The following SERPINB12 variants were observed in gnomAD, a reference collection of about 807,000 sequenced individuals.
SERPINB12 encodes serpin B12.
A neutral mutation model predicts 41.1 loss-of-function variants in SERPINB12; 57 were observed. The ratio of observed to expected loss-of-function variants is 1.39; its 90% CI spans 1.12 to 1.73. SERPINB12 has a LOEUF of 1.73. Among genes scored for constraint, SERPINB12 ranks in the 40% most tolerant of loss-of-function variants. The pLI is 0.00. For missense variants in SERPINB12, 536 were observed against 501.9 expected, an observed-to-expected ratio of 1.07 and a Z score of -0.65; for synonymous variants, 180 against 181.3, an observed-to-expected ratio of 0.99 and a Z score of 0.06.
At chr18:63,527,595 G>A in the SERPINB12 span, among the ~76,000 whole-genome samples, 1 of 152,100 alleles carries the variant, frequency 6.6e-6, no homozygotes, top group African/African-American at 2.4e-5. Flanking sequence ...TATACTGGGA[G>A]CTTCTATCTG....
At chr18:63,563,146 A>C (rs1323729494) in intron 5 of SERPINB12, among the ~76,000 whole-genome samples, 3 of 152,236 alleles carry the variant, frequency 2.0e-5, no homozygotes, top group Non-Finnish European at 4.4e-5. Context: ...GGGATGGATC[A>C]ATTAATTGAT....
At chr18:63,548,306 T>C in intron 1 of SERPINB12, among the ~76,000 whole-genome samples, 1 of 152,180 alleles carries the variant, frequency 6.6e-6, no homozygotes, top group Admixed American at 6.5e-5. Flanking sequence ...ACATTTCAGA[T>C]AGTCAGTATT....
chr18:63,552,393 C>A (rs566382465), intron 1 of SERPINB12, among the ~76,000 whole-genome samples: 2 of 152,102 alleles, frequency 1.3e-5, no homozygotes, highest in South Asian at 2.1e-4. Context: ...TTAATTGCAA[C>A]AACATAACAT....
At chr18:63,550,143 C>T (rs963998100) in intron 1 of SERPINB12, among the ~76,000 whole-genome samples, 7 of 152,052 alleles carry the variant, frequency 4.6e-5, no homozygotes, top group Non-Finnish European at 8.8e-5. Context: ...TTTTGGGAGA[C>T]CTTACTATTT....
At chr18:63,559,093 C>A (rs1420931698) in intron 3 of SERPINB12, among the ~76,000 whole-genome samples, 1 of 123,420 alleles carries the variant, frequency 8.1e-6, no homozygotes, top group African/African-American at 2.9e-5. Flanking sequence ...TTCTCTCTTT[C>A]TCTCTTTCTT....
intron 1 of SERPINB12, among the ~76,000 whole-genome samples, chr18:63,554,306 C>G (rs911024007): frequency 1.4e-4 from 21 of 152,198 alleles, no homozygotes; most frequent in Admixed American, 2.6e-4. Flanking sequence ...ATGATCATAT[C>G]TACCTTGCAG....
chr18:63,545,320 T>C (rs1481406711), intron 1 of SERPINB12, among the ~76,000 whole-genome samples: 1 of 152,124 alleles, frequency 6.6e-6, no homozygotes, highest in African/African-American at 2.4e-5. Context: ...TCACGGGTAC[T>C]AGAGAGGCTC....
upstream of SERPINB12, among the ~76,000 whole-genome samples, chr18:63,541,733 G>A (rs1910276593): frequency 6.6e-6 from 1 of 152,042 alleles, no homozygotes; most frequent in Non-Finnish European, 1.5e-5. Context: ...TGGGGATGGA[G>A]GAGATGAGGA....
chr18:63,565,675 G>A, intron 7 of SERPINB12, 63 bp downstream of exon 7: 2 of 1,404,060 alleles, frequency 1.4e-6, no homozygotes, highest in Non-Finnish European at 1.9e-6. Context: ...GAACAACACT[G>A]TCTACTATCT....
rs1258312145 is a variant in SERPINB12, at chr18:63,566,828, C to T, written c.1095C>T (p.Ile365=). ...PSPNLYLSKI[I]HKTFVEVDEN... is the part of the protein sequence containing the mutation. ...CCAATTTGTACTTGTCAAAAATTAT[C>T]CACAAAACCTTTGTGGAGGTGGATG... Residue 365 remains isoleucine (I), a synonymous_variant, in exon 8 of 8, where the codon ATC becomes ATT. Transcript: ENST00000382768. 2 of 1,614,114 alleles carry T rather than the reference C, an allele frequency of 1.2e-6. No individual in the cohort carries two copies. Among genetic ancestry groups the T allele is most frequent in the African/African-American group, 1.3e-5 (1 of 75,028 alleles).
At chr18:63,558,997 TC>T (rs1458398867) in intron 3 of SERPINB12, among the ~76,000 whole-genome samples, 32 of 118,652 alleles carry the variant, frequency 2.7e-4, no homozygotes, top group African/African-American at 1.0e-3. Context: ...TTTCTTTCTT[TC>T]CTTCCTTCTT....
chr18:63,535,771 A>G, the SERPINB12 span, among the ~76,000 whole-genome samples: 1 of 152,170 alleles, frequency 6.6e-6, no homozygotes, highest in African/African-American at 2.4e-5. Flanking sequence ...AATGAATGAC[A>G]AAATATTTAG....
At chr18:63,556,369 G>A (rs759728632) in intron 2 of SERPINB12, 42 bp downstream of exon 2, 8 of 1,565,368 alleles carry the variant, frequency 5.1e-6, no homozygotes, top group African/African-American at 4.1e-5. Context: ...CTAAACTCTG[G>A]GTCCACACTC....
chr18:63,530,992 T>C, the SERPINB12 span, among the ~76,000 whole-genome samples: 1 of 152,182 alleles, frequency 6.6e-6, no homozygotes. Context: ...CTCAAGTGTA[T>C]GCTGCATGGC....
chr18:63,521,285 C>T, the SERPINB12 span, among the ~76,000 whole-genome samples: 3 of 152,168 alleles, frequency 2.0e-5, no homozygotes, highest in African/African-American at 7.2e-5. Context: ...TTCACATTTC[C>T]CCCTTTTGAT....
intron 1 of SERPINB12, among the ~76,000 whole-genome samples, chr18:63,548,733 G>C (rs1185690245): frequency 6.6e-6 from 1 of 151,854 alleles, no homozygotes; most frequent in Non-Finnish European, 1.5e-5. Flanking sequence ...ATGTTAGCAA[G>C]TATCAATGCC....
At chr18:63,558,529 A>G in intron 3 of SERPINB12, 43 bp downstream of exon 3, 1 of 1,569,904 alleles carries the variant, frequency 6.4e-7, no homozygotes, top group Non-Finnish European at 8.6e-7. Context: ...CTTTTTTACA[A>G]ACTGCTTATT....
At chr18:63,540,059 C>A (rs530106447), upstream of SERPINB12, among the ~76,000 whole-genome samples, 5 of 152,154 alleles carry the variant, frequency 3.3e-5, no homozygotes, top group South Asian at 1.0e-3. Flanking sequence ...GTGGTTACAC[C>A]CTGTTTCCAC....
intron 1 of SERPINB12, among the ~76,000 whole-genome samples, chr18:63,545,729 G>A (rs551504856): frequency 6.6e-6 from 1 of 152,226 alleles, no homozygotes; most frequent in Admixed American, 6.5e-5. Context: ...TTCTGAATAT[G>A]AATGGTATAC....
Sources: allele counts gnomAD v4.1 joint callset (sites outside exome capture counted in the v4.1 genomes callset), GRCh38; gene constraint gnomAD v4.1.1; transcripts MANE v1.5; gene names NCBI Gene and HGNC (gene_info 2026-07-23, HGNC 2026-07-21).